PLXDC2: variants seen among roughly 807,000 people sequenced by gnomAD.
PLXDC2 encodes the protein plexin domain-containing protein 2.
In PLXDC2, 40 loss-of-function variants were observed where a neutral mutation model predicts 68.9. The ratio of observed to expected loss-of-function variants is 0.58; its 90% confidence interval spans 0.45 to 0.76. The LOEUF is 0.76. Ranked by LOEUF, PLXDC2 falls within the 30% of genes least tolerant of loss-of-function variation. The pLI is 0.00. For missense variants in PLXDC2, 644 were observed against 661.9 expected, an observed-to-expected ratio of 0.97 and a Z score of 0.30; for synonymous variants, 243 against 234.2, an observed-to-expected ratio of 1.04 and a Z score of -0.34.
intron 13 of PLXDC2, among the ~76,000 whole-genome samples, chr10:20,270,080 T>G (rs1189173221): frequency 6.6e-6 from 1 of 151,486 alleles, no homozygotes; most frequent in East Asian, 1.9e-4. Flanking sequence ...TTAAAATGGT[T>G]GTGGGGAAGG....
chr10:20,037,158 T>A (rs1296457334), intron 2 of PLXDC2, among the ~76,000 whole-genome samples: 3 of 152,208 alleles, frequency 2.0e-5, no homozygotes, highest in Non-Finnish European at 4.4e-5. Context: ...AGTCAGAAAC[T>A]GTACTTCAAC....
intron 1 of PLXDC2, among the ~76,000 whole-genome samples, chr10:19,990,858 T>A (rs888341044): frequency 6.6e-6 from 1 of 152,214 alleles, no homozygotes; most frequent in African/African-American, 2.4e-5. Flanking sequence ...AAACTGCTAC[T>A]TGGATGAACA....
intron 12 of PLXDC2, among the ~76,000 whole-genome samples, chr10:20,244,090 A>G (rs992858336): frequency 6.6e-6 from 1 of 152,104 alleles, no homozygotes; most frequent in Non-Finnish European, 1.5e-5. Flanking sequence ...GAAAGAAAAA[A>G]AAAAGAAAAG....
At position 19,994,311 on chromosome 10, in the gene PLXDC2, AATTT is replaced by A. The variant is rs1329004571; in HGVS notation, c.113-7463_113-7460del. Among the ~76,000 whole-genome samples, 10 of 68,778 alleles carry A rather than the reference AATTT, an allele frequency of 1.5e-4. No homozygotes were observed. The East Asian group carries it at 1.6e-3, about 11-fold the overall frequency. 45.1% of individuals were successfully genotyped at this position (68,778 alleles called of 152,430 possible). A position where few individuals can be genotyped will look rare whatever the true frequency, so the allele number is the denominator to read the frequency against. Reference sequence around the variant, plus strand: ...CTCTGACTACTTGGAAACATGATTAAATTTTTTTTTTTTTTTTTTTTTTTTTTTT... The same window carrying A: ...CTCTGACTACTTGGAAACATGATTAATTTTTTTTTTTTTTTTTTTTTTTTT... On this transcript the variant is annotated intron_variant, in intron 1 of 13. Coordinates refer to ENST00000377252, the MANE Select transcript of PLXDC2 (RefSeq NM_032812.9).
intron 1 of PLXDC2, among the ~76,000 whole-genome samples, chr10:19,860,407 A>G (rs2131334270): frequency 6.6e-6 from 1 of 152,336 alleles, no homozygotes; most frequent in South Asian, 2.1e-4. Context: ...AGTGCACTTC[A>G]TAAATACCTG....
chr10:19,831,241 T>C (rs1462160235), intron 1 of PLXDC2, among the ~76,000 whole-genome samples: 1 of 152,210 alleles, frequency 6.6e-6, no homozygotes, highest in Non-Finnish European at 1.5e-5. Flanking sequence ...GTGATTTTTT[T>C]ATCCCATTCT....
intron 1 of PLXDC2, among the ~76,000 whole-genome samples, chr10:19,837,707 A>G (rs988546892): frequency 6.6e-6 from 1 of 152,172 alleles, no homozygotes; most frequent in Non-Finnish European, 1.5e-5. Context: ...CAAACATAGA[A>G]TATAAATGTG....
chr10:20,177,226 C>T, intron 8 of PLXDC2, 102 bp from the exon 9 acceptor site: 1 of 1,328,368 alleles, frequency 7.5e-7, no homozygotes, highest in Non-Finnish European at 1.1e-6. Context: ...GCATTTTGCT[C>T]CTGAGGATTA....
chr10:20,244,132 T>C (rs1835556934), intron 12 of PLXDC2, among the ~76,000 whole-genome samples: 1 of 152,052 alleles, frequency 6.6e-6, no homozygotes, highest in Non-Finnish European at 1.5e-5. Flanking sequence ...CTGAAACTTT[T>C]GTACATCTTA....
chr10:20,228,871 AAC>A (rs2131875831), intron 12 of PLXDC2, among the ~76,000 whole-genome samples: 1 of 152,326 alleles, frequency 6.6e-6, no homozygotes, highest in South Asian at 2.1e-4. Context: ...AGTTAAAAAA[AAC>A]ACACACAGAA....
At chr10:20,160,636 G>T (rs1834278059) in intron 6 of PLXDC2, among the ~76,000 whole-genome samples, 1 of 152,038 alleles carries the variant, frequency 6.6e-6, no homozygotes, top group Non-Finnish European at 1.5e-5. Flanking sequence ...ACCCATTTTG[G>T]TTTCGGGTAA....
chr10:20,276,074 A>G (rs936568847), intron 13 of PLXDC2, among the ~76,000 whole-genome samples: 3 of 152,078 alleles, frequency 2.0e-5, no homozygotes, highest in Admixed American at 2.0e-4. Context: ...CTATTCCCTC[A>G]CTGTTCATGG....
At chr10:20,005,957 A>C (rs1835021106) in intron 2 of PLXDC2, among the ~76,000 whole-genome samples, 1 of 152,184 alleles carries the variant, frequency 6.6e-6, no homozygotes, top group African/African-American at 2.4e-5. Flanking sequence ...TGGTAGGCTG[A>C]AGTGCGCAGA....
chr10:20,235,329 A>G (rs1469616268), intron 12 of PLXDC2, among the ~76,000 whole-genome samples: 2 of 152,198 alleles, frequency 1.3e-5, no homozygotes, highest in African/African-American at 4.8e-5. Flanking sequence ...TGAGGGTAGT[A>G]ATCAACAGAA....
intron 2 of PLXDC2, among the ~76,000 whole-genome samples, chr10:20,009,061 T>C (rs1479521987): frequency 1.3e-5 from 2 of 152,198 alleles, no homozygotes; most frequent in Admixed American, 1.3e-4. Context: ...AAAATCTTAC[T>C]CCTCTTCTAT....
At chr10:20,120,519 G>A (rs2131759682) in intron 4 of PLXDC2, among the ~76,000 whole-genome samples, 1 of 152,322 alleles carries the variant, frequency 6.6e-6, no homozygotes, top group Non-Finnish European at 1.5e-5. Context: ...ATAGAGTTGG[G>A]AAGGCTAAAC....
At position 19,820,588 on chromosome 10, in the gene PLXDC2, T is replaced by C. The variant is rs1369004902; in HGVS notation, c.112+3397T>C. On this transcript the variant is annotated intron_variant, in intron 1 of 13. Transcript: ENST00000377252. ...AGCGGAGCTTGCAGTGAGCCGAGAT[T>C]GCGCCACTGCAGTCCGCAGTCCGGC... Among the ~76,000 whole-genome samples, 6 of 148,922 alleles carry C rather than the reference T, an allele frequency of 4.0e-5. No individual in the cohort carries two copies. The South Asian group carries it at 8.4e-4, about 21-fold the overall frequency.
At chr10:19,986,057 G>C (rs1175177115) in intron 1 of PLXDC2, among the ~76,000 whole-genome samples, 1 of 152,192 alleles carries the variant, frequency 6.6e-6, no homozygotes, top group East Asian at 1.9e-4. Context: ...TGGAAAGCTT[G>C]AAGCTGGCAT....
chr10:20,197,346 T>C (rs1307621257), intron 9 of PLXDC2, among the ~76,000 whole-genome samples: 1 of 151,908 alleles, frequency 6.6e-6, no homozygotes, highest in Non-Finnish European at 1.5e-5. Context: ...TGAAGATCTA[T>C]GGTGATTGTT....
Sources: allele counts gnomAD v4.1 joint callset (sites outside exome capture counted in the v4.1 genomes callset), GRCh38; gene constraint gnomAD v4.1.1; transcripts MANE v1.5; gene names NCBI Gene and HGNC (gene_info 2026-07-23, HGNC 2026-07-21).